AGMO: variants seen among roughly 807,000 people sequenced by gnomAD.
AGMO encodes the protein glyceryl-ether monooxygenase.
Under a neutral mutation model 60.2 loss-of-function variants are expected in AGMO, and 75 were observed. That is an observed-to-expected ratio of 1.25 (90% CI 1.03 to 1.51). The LOEUF is 1.51. AGMO is among the 40% of genes most tolerant of loss of function. The pLI, the probability that AGMO is intolerant of heterozygous loss-of-function variation, is 0.00. For synonymous variants in AGMO, 261 were observed against 177.1 expected (o/e 1.47, Z -3.76); for missense variants, 763 against 525.5 (o/e 1.45, Z -4.42).
At chr7:15,380,930 G>A (rs1343847039) in intron 10 of AGMO, among the ~76,000 whole-genome samples, 1 of 152,072 alleles carries the variant, frequency 6.6e-6, no homozygotes, top group Non-Finnish European at 1.5e-5. Flanking sequence ...AAGCAATGGG[G>A]AAAGGATTCC....
chr7:15,517,865 G>C (rs918515696), intron 3 of AGMO, among the ~76,000 whole-genome samples: 1 of 152,110 alleles, frequency 6.6e-6, no homozygotes, highest in Non-Finnish European at 1.5e-5. Context: ...AGGGAGCCAA[G>C]TGGTCTTGCT....
chr7:15,421,052 C>T lies in AGMO; in HGVS notation c.514-2399G>A, dbSNP rs144804996. Among the ~76,000 whole-genome samples the T allele has an allele frequency of 1.5e-3, 224 of 152,200 alleles. 1 individual carries two copies. Among genetic ancestry groups the T allele is most frequent in the African/African-American group, 5.0e-3 (206 of 41,546 alleles). On this transcript the variant is annotated intron_variant, in intron 4 of 12. Coordinates refer to ENST00000342526, the MANE Select transcript of AGMO (RefSeq NM_001004320.2). Reference sequence around the variant, plus strand: ...TTATTCTCTTACTAAGTGAACGTGGCGAGCAGGGGTTGTGTGAGACAGTAT... The same window carrying T: ...TTATTCTCTTACTAAGTGAACGTGGTGAGCAGGGGTTGTGTGAGACAGTAT...
rs878948423 is a variant in AGMO at position 15,201,303 on chromosome 7, G to A, written c.1320C>T (p.Thr440=). ...FWGVRSMKQL[T]SHPWK ...ATTCAGGTTATTTCCAAGGGTGAGAGGTGAGTTGTTTCATGCTTCTAACTC... is the reference window on the plus strand; with the variant it reads ...ATTCAGGTTATTTCCAAGGGTGAGAAGTGAGTTGTTTCATGCTTCTAACTC... Residue 440 remains threonine, a synonymous_variant, in exon 13 of 13, where the codon ACC becomes ACT. Transcript: ENST00000342526. 1.2e-6 allele frequency: 2 copies of A among 1,612,106 alleles called. No homozygotes were observed. The highest frequency in any genetic ancestry group is 2.2e-5 in the South Asian group (2 of 90,796).
chr7:15,346,272 CT>C (rs1251337589), intron 12 of AGMO, among the ~76,000 whole-genome samples: 1 of 152,074 alleles, frequency 6.6e-6, no homozygotes, highest in African/African-American at 2.4e-5. Flanking sequence ...AACCAAACCA[CT>C]TTTGCTAAGA....
intron 4 of AGMO, among the ~76,000 whole-genome samples, chr7:15,426,100 G>T (rs917011907): frequency 1.3e-5 from 2 of 152,078 alleles, no homozygotes; most frequent in African/African-American, 4.8e-5. Context: ...TTTTTGGAGT[G>T]TCTATTAAAT....
At chr7:15,369,294 T>C (rs1312812679) in intron 10 of AGMO, among the ~76,000 whole-genome samples, 1 of 152,076 alleles carries the variant, frequency 6.6e-6, no homozygotes, top group Non-Finnish European at 1.5e-5. Context: ...GTGATCCTTT[T>C]AAGCTTATGT....
intron 12 of AGMO, among the ~76,000 whole-genome samples, chr7:15,211,116 A>C (rs946480822): frequency 3.3e-5 from 5 of 151,742 alleles, no homozygotes; most frequent in African/African-American, 1.2e-4. Flanking sequence ...AGTTCAACAC[A>C]AACTATTTTG....
chr7:15,213,607 T>C (rs560668085), intron 12 of AGMO, among the ~76,000 whole-genome samples: 28 of 151,878 alleles, frequency 1.8e-4, no homozygotes, highest in African/African-American at 6.7e-4. Flanking sequence ...CTCCACACAT[T>C]TGAAGTATGT....
Position 15,352,899 on chromosome 7 carries a change from C to T in AGMO, c.1263+12615G>A, listed in dbSNP as rs568712984. 8.6e-4 allele frequency among the ~76,000 whole-genome samples: 131 copies of T among 152,072 alleles called. 1 individual carries two copies. The highest frequency in any genetic ancestry group is 8.6e-3 in the Admixed American group (131 of 15,276). On this transcript the variant is annotated intron_variant, in intron 12 of 12. Transcript: ENST00000342526. Reference sequence around the variant, plus strand: ...TAATTCCTTGTGTGCTGACATGGCTCTATATCATAAGATTGTGTTTACTTT... The same window carrying T: ...TAATTCCTTGTGTGCTGACATGGCTTTATATCATAAGATTGTGTTTACTTT...
intron 12 of AGMO, among the ~76,000 whole-genome samples, chr7:15,255,907 C>A (rs1336031752): frequency 6.6e-6 from 1 of 152,110 alleles, no homozygotes; most frequent in East Asian, 1.9e-4. Flanking sequence ...TGAAAATATA[C>A]ACAAAGTGTT....
At chr7:15,435,312 GCCTTTTTTTTTTTT>G (rs1781369426) in intron 3 of AGMO, among the ~76,000 whole-genome samples, 1 of 137,502 alleles carries the variant, frequency 7.3e-6, no homozygotes, top group Non-Finnish European at 1.6e-5. Context: ...AAGTGGCTGT[GCCTTTTTTTTTTTT>G]TATTAGTACC....
Position 15,322,511 on chromosome 7 carries a change from T to A in AGMO, c.1263+43003A>T, listed in dbSNP as rs1361325014. ...AAATATATATAAATATATAAATATA[T>A]ATATAAATATATATAAATATATAAA... On this transcript the variant is annotated intron_variant, in intron 12 of 12. Coordinates refer to ENST00000342526, the MANE Select transcript of AGMO (RefSeq NM_001004320.2). Among the ~76,000 whole-genome samples, 206 of 86,470 alleles carry A rather than the reference T, an allele frequency of 2.4e-3. 1 individual carries two copies. The highest frequency in any genetic ancestry group is 6.8e-3 in the South Asian group (20 of 2,920). 56.7% of individuals were successfully genotyped at this position (86,470 alleles called of 152,430 possible). A position where few individuals can be genotyped will look rare whatever the true frequency, so the allele number is the denominator to read the frequency against.
chr7:15,409,713 A>G (rs1784789977), intron 5 of AGMO, among the ~76,000 whole-genome samples: 1 of 151,806 alleles, frequency 6.6e-6, no homozygotes, highest in South Asian at 2.1e-4. Flanking sequence ...CACGTACTGG[A>G]TGCTTAATAC....
intron 4 of AGMO, among the ~76,000 whole-genome samples, chr7:15,423,696 T>C (rs1178288550): frequency 2.3e-5 from 2 of 86,972 alleles, no homozygotes; most frequent in African/African-American, 3.8e-5. Context: ...GACACGGAGA[T>C]AGACATGCAC....
chr7:15,273,029 C>G (rs1783664264), intron 12 of AGMO, among the ~76,000 whole-genome samples: 1 of 151,942 alleles, frequency 6.6e-6, no homozygotes, highest in South Asian at 2.1e-4. Context: ...GGATATTAGC[C>G]CTTTGTCAGA....
At chr7:15,531,174 CTATATATTCTA>C (rs1341797087) in intron 3 of AGMO, among the ~76,000 whole-genome samples, 9 of 19,750 alleles carry the variant, frequency 4.6e-4, no homozygotes, top group African/African-American at 2.1e-3. Flanking sequence ...TATATATATT[CTATATATTCTA>C]TATATATTCT....
intron 12 of AGMO, among the ~76,000 whole-genome samples, chr7:15,234,885 A>G (rs1013000943): frequency 1.7e-4 from 26 of 152,162 alleles, no homozygotes; most frequent in African/African-American, 6.3e-4. Context: ...ACAAAAACAA[A>G]AGACATGCTA....
At chr7:15,418,210 T>C (rs1780827689) in intron 5 of AGMO, among the ~76,000 whole-genome samples, 1 of 152,052 alleles carries the variant, frequency 6.6e-6, no homozygotes, top group Admixed American at 6.6e-5. Context: ...TATACACATA[T>C]ACATATGTTT....
chr7:15,246,919 C>T (rs1782759516), intron 12 of AGMO, among the ~76,000 whole-genome samples: 2 of 152,098 alleles, frequency 1.3e-5, no homozygotes, highest in South Asian at 2.1e-4. Context: ...CATTCCTTCC[C>T]GCTCAGCCCC....
Sources: gnomAD v4.1 joint callset for allele counts (sites outside exome capture counted in the v4.1 genomes callset) on GRCh38, gnomAD v4.1.1 for gene constraint, MANE v1.5 for transcripts, NCBI Gene and HGNC (gene_info 2026-07-23, HGNC 2026-07-21) for gene names.